The following ZFYVE9 variants were observed in gnomAD, a reference collection of about 807,000 sequenced individuals.
ZFYVE9 encodes the protein zinc finger FYVE domain-containing protein 9.
ZFYVE9 carries 43 observed loss-of-function variants against 126.7 expected under a neutral mutation model. The ratio of observed to expected loss-of-function variants is 0.34; its 90% confidence interval spans 0.27 to 0.44. The LOEUF (loss-of-function observed/expected upper bound fraction) is 0.44, where lower values mean the gene tolerates loss of function less well. ZFYVE9 is among the 20% of genes least tolerant of loss of function. The pLI is 1.00. For missense variants in ZFYVE9, 1,476 were observed against 1,697.0 expected (o/e 0.87, Z 2.29); for synonymous variants, 521 against 597.4 (o/e 0.87, Z 1.87).
At chr1:52,263,517 C>T (rs959585967) in intron 4 of ZFYVE9, among the ~76,000 whole-genome samples, 3 of 152,116 alleles carry the variant, frequency 2.0e-5, no homozygotes, top group African/African-American at 7.2e-5. Flanking sequence ...TTCCCCACTG[C>T]TGTATATTTG....
At chr1:52,183,850 C>A (rs1238365919) in intron 1 of ZFYVE9, among the ~76,000 whole-genome samples, 1 of 110,954 alleles carries the variant, frequency 9.0e-6, no homozygotes, top group Non-Finnish European at 1.7e-5. Flanking sequence ...CTTTTCTTTT[C>A]TATCTTTCTT....
At chr1:52,261,503 C>T (rs879426946) in intron 4 of ZFYVE9, among the ~76,000 whole-genome samples, 10 of 152,136 alleles carry the variant, frequency 6.6e-5, no homozygotes, top group Admixed American at 5.9e-4. Flanking sequence ...TGCCACATCC[C>T]CATTGGGTAG....
intron 1 of ZFYVE9, among the ~76,000 whole-genome samples, chr1:52,178,849 A>G (rs1644666934): frequency 6.6e-6 from 1 of 152,162 alleles, no homozygotes; most frequent in Non-Finnish European, 1.5e-5. Flanking sequence ...TCTGTTACCC[A>G]GGCTGGAGTG....
Position 52,237,536 on chromosome 1 carries a change from T to C in ZFYVE9, c.119T>C (p.Leu40Pro), listed in dbSNP as rs1270002148. 2 of 1,613,756 alleles carry C rather than the reference T, an allele frequency of 1.2e-6. No homozygotes were observed. The highest frequency in any genetic ancestry group is 1.7e-5 in the Admixed American group (1 of 59,984). Residue 40 changes from leucine to proline, a missense_variant, in exon 4 of 19, where the codon CTA becomes CCA. Around this residue, in one of 2 missense-constraint regions of ZFYVE9, gnomAD observed 807 missense variants for 794.6 expected, o/e 1.02. Coordinates refer to ENST00000287727, the MANE Select transcript of ZFYVE9 (RefSeq NM_004799.4). ...TLLDTKWNKI[L>P]DPPSHRLSFN... ...TTGGATACAAAGTGGAATAAGATTC[T>C]AGATCCCCCTTCTCACCGGCTGTCA... is the stretch of plus-strand genomic sequence containing the variant.
At chr1:52,153,794 C>G (rs1354209115) in intron 1 of ZFYVE9, among the ~76,000 whole-genome samples, 1 of 152,162 alleles carries the variant, frequency 6.6e-6, no homozygotes, top group Non-Finnish European at 1.5e-5. Context: ...TCCGTAGAGC[C>G]CCACATTGCA....
At chr1:52,266,032 A>G (rs346569) in intron 5 of ZFYVE9, among the ~76,000 whole-genome samples, 31,589 of 152,124 alleles carry the variant, frequency 0.21, 6,487 homozygotes, top group African/African-American at 0.54. Flanking sequence ...CTATAAAGAA[A>G]CCAGGCTCCA....
intron 2 of ZFYVE9, among the ~76,000 whole-genome samples, chr1:52,222,816 G>T (rs1645136547): frequency 6.6e-6 from 1 of 152,178 alleles, no homozygotes; most frequent in Non-Finnish European, 1.5e-5. Flanking sequence ...AAGGAAGTAA[G>T]TTTTCCCTGA....
intron 13 of ZFYVE9, among the ~76,000 whole-genome samples, chr1:52,319,743 A>G (rs1418586758): frequency 6.6e-6 from 1 of 151,942 alleles, no homozygotes; most frequent in African/African-American, 2.4e-5. Context: ...AGCCAGGCGC[A>G]GTGGCTCAGG....
chr1:52,205,444 A>G (rs1644969440), intron 1 of ZFYVE9, among the ~76,000 whole-genome samples: 1 of 151,560 alleles, frequency 6.6e-6, no homozygotes. Flanking sequence ...AACTCACTAT[A>G]ACCTTGAACT....
At chr1:52,182,452 C>G (rs903368844) in intron 1 of ZFYVE9, among the ~76,000 whole-genome samples, 1 of 152,094 alleles carries the variant, frequency 6.6e-6, no homozygotes, top group Non-Finnish European at 1.5e-5. Flanking sequence ...GACCTTACCC[C>G]GAACCCTGTG....
In ZFYVE9 at chr1:52,186,248, AAAAAC is replaced by A. The variant is rs1196764099; in HGVS notation, c.-142-30110_-142-30106del. ...GAGCGAGACTCTGTCTCAAAAAAAA[AAAAAC>A]AAAACAAAACCCAAAAAACAACAAC... On this transcript the variant is annotated intron_variant, in intron 1 of 18. Coordinates refer to ENST00000287727, the MANE Select transcript of ZFYVE9 (RefSeq NM_004799.4). Among the ~76,000 whole-genome samples the A allele has an allele frequency of 1.3e-3, 199 of 150,250 alleles. 2 individuals carry two copies. Among genetic ancestry groups the A allele is most frequent in the African/African-American group, 4.7e-3 (193 of 41,376 alleles).
At chr1:52,176,874 G>A (rs952127519) in intron 1 of ZFYVE9, among the ~76,000 whole-genome samples, 3 of 152,138 alleles carry the variant, frequency 2.0e-5, no homozygotes, top group Admixed American at 6.5e-5. Flanking sequence ...GGAGTGACCC[G>A]ATTTTCCAGG....
At chr1:52,158,394 C>T (rs1172068085) in intron 1 of ZFYVE9, among the ~76,000 whole-genome samples, 1 of 152,202 alleles carries the variant, frequency 6.6e-6, no homozygotes, top group East Asian at 1.9e-4. Flanking sequence ...CCTGAGGGAG[C>T]CCCTGTGTTG....
At chr1:52,220,585 A>G (rs1276215430) in intron 2 of ZFYVE9, among the ~76,000 whole-genome samples, 1 of 152,150 alleles carries the variant, frequency 6.6e-6, no homozygotes, top group African/African-American at 2.4e-5. Context: ...TGATGCAACC[A>G]TCTTCCACTT....
intron 1 of ZFYVE9, among the ~76,000 whole-genome samples, chr1:52,206,268 A>G (rs2124578451): frequency 6.6e-6 from 1 of 152,316 alleles, no homozygotes; most frequent in South Asian, 2.1e-4. Flanking sequence ...CACCAGGCTA[A>G]TAAACTGGTT....
intron 13 of ZFYVE9, among the ~76,000 whole-genome samples, chr1:52,308,812 T>G (rs1160051962): frequency 6.6e-6 from 1 of 152,254 alleles, no homozygotes; most frequent in African/African-American, 2.4e-5. Context: ...CCTTGTTGTG[T>G]GTCTGTTTTC....
chr1:52,239,675 G>T, intron 4 of ZFYVE9, 80 bp downstream of exon 4: 1 of 1,468,850 alleles, frequency 6.8e-7, no homozygotes, highest in Non-Finnish European at 9.1e-7. Flanking sequence ...GGCAATGTAA[G>T]GTGAATATAT....
At chr1:52,173,099 T>A (rs1437838757) in intron 1 of ZFYVE9, among the ~76,000 whole-genome samples, 4 of 151,860 alleles carry the variant, frequency 2.6e-5, no homozygotes, top group Non-Finnish European at 5.9e-5. Context: ...AGGGAATGCT[T>A]CCAGTTTTTG....
chr1:52,297,883 C>CA (rs1645993786), intron 12 of ZFYVE9, among the ~76,000 whole-genome samples: 2 of 151,442 alleles, frequency 1.3e-5, no homozygotes, highest in Admixed American at 1.3e-4. Context: ...ACACCATGCC[C>CA]AGCTAGTTTT....
Sources: allele counts gnomAD v4.1 joint callset (sites outside exome capture counted in the v4.1 genomes callset), GRCh38; gene constraint gnomAD v4.1.1; regional missense constraint gnomAD v4.1.1; transcripts MANE v1.5; gene names NCBI Gene and HGNC (gene_info 2026-07-23, HGNC 2026-07-21).